The following GATAD2A variants were observed in gnomAD, a reference collection of about 807,000 sequenced individuals.
The protein encoded by GATAD2A is GATA zinc finger domain containing 2A.
Under a neutral mutation model 68.5 loss-of-function variants are expected in GATAD2A, and 12 were observed. The ratio of observed to expected loss-of-function variants is 0.18; its 90% confidence interval spans 0.11 to 0.28. GATAD2A has a LOEUF of 0.28. Among genes scored for constraint, GATAD2A ranks in the 10% least tolerant of loss-of-function variants. The pLI is 1.00. For missense variants in GATAD2A, 755 were observed against 868.5 expected, an observed-to-expected ratio of 0.87 and a Z score of 1.64; for synonymous variants, 410 against 375.3, an observed-to-expected ratio of 1.09 and a Z score of -1.07.
At chr19:19,387,340 G>A (rs1302402840) in intron 1 of GATAD2A, among the ~76,000 whole-genome samples, 1 of 140,780 alleles carries the variant, frequency 7.1e-6, no homozygotes, top group Non-Finnish European at 1.5e-5. Context: ...TTTTTTTTGA[G>A]ACAGAGTCTC....
At chr19:19,486,321 T>C (rs1005462504) in intron 2 of GATAD2A, among the ~76,000 whole-genome samples, 16 of 152,240 alleles carry the variant, frequency 1.1e-4, no homozygotes, top group Non-Finnish European at 2.2e-4. Context: ...ATCTTCCCAG[T>C]GTTGGGGACC....
intron 1 of GATAD2A, among the ~76,000 whole-genome samples, chr19:19,395,385 G>A (rs1156466952): frequency 6.6e-6 from 1 of 152,096 alleles, no homozygotes; most frequent in Non-Finnish European, 1.5e-5. Context: ...AACCCAGGAG[G>A]CGGGGTTTGC....
chr19:19,440,726 A>G (rs1225851908), intron 1 of GATAD2A, among the ~76,000 whole-genome samples: 4 of 152,168 alleles, frequency 2.6e-5, no homozygotes, highest in Admixed American at 6.6e-5. Context: ...AGGGGAAGCA[A>G]TCCCTTAAAA....
At chr19:19,414,582 G>T (rs2051352502) in intron 1 of GATAD2A, among the ~76,000 whole-genome samples, 1 of 121,626 alleles carries the variant, frequency 8.2e-6, no homozygotes, top group Non-Finnish European at 1.6e-5. Flanking sequence ...CCATTGTCCA[G>T]TCTGGAGGGC....
At chr19:19,461,138 A>G (rs1339797741) in intron 1 of GATAD2A, among the ~76,000 whole-genome samples, 1 of 152,164 alleles carries the variant, frequency 6.6e-6, no homozygotes, top group African/African-American at 2.4e-5. Context: ...AAAGACGCCT[A>G]AAATCCACCG....
At chr19:19,415,548 C>T (rs1568714034) in intron 1 of GATAD2A, among the ~76,000 whole-genome samples, 1 of 151,538 alleles carries the variant, frequency 6.6e-6, no homozygotes. Flanking sequence ...TTCCCAGATT[C>T]AAGCGATTCT....
Position 19,405,848 on chromosome 19 carries a change from G to A in GATAD2A, c.-178G>A, listed in dbSNP as rs2050160944. The A allele has an allele frequency of 6.8e-6, 1 of 147,130 alleles. No homozygotes were observed. Among genetic ancestry groups the A allele is most frequent in the Admixed American group, 6.7e-5 (1 of 14,836 alleles). The allele number at this position is 147,130 out of a possible 1,614,324, so 9.1% of individuals were successfully genotyped here. On this transcript the variant is annotated 5_prime_UTR_variant, in exon 1 of 12. Coordinates refer to ENST00000683918, the MANE Select transcript of GATAD2A (RefSeq NM_001384528.1). ...CATTATCTGGCCGGCGGCGCGGGCG[G>A]GCGGGCGGACCGGCGCAGCGAGCGC...
chr19:19,502,572 G>T (rs892022), intron 11 of GATAD2A, 46 bp downstream of exon 11: 4 of 1,449,648 alleles, frequency 2.8e-6, no homozygotes, highest in Non-Finnish European at 3.8e-6. Flanking sequence ...CCCATTGTGG[G>T]GTTCACCCTT....
chr19:19,447,435 C>G (rs572650582), intron 1 of GATAD2A, among the ~76,000 whole-genome samples: 2 of 152,204 alleles, frequency 1.3e-5, no homozygotes, highest in African/African-American at 2.4e-5. Context: ...ACAGACCCCC[C>G]ACTCCCCCAC....
intron 1 of GATAD2A, among the ~76,000 whole-genome samples, chr19:19,447,540 C>T (rs758536540): frequency 2.4e-4 from 36 of 152,312 alleles, no homozygotes; most frequent in Admixed American, 7.2e-4. Flanking sequence ...GTTCCATTTG[C>T]AAGGTAGAGG....
chr19:19,439,091 CGGA>C (rs2054689198), intron 1 of GATAD2A, among the ~76,000 whole-genome samples: 1 of 152,172 alleles, frequency 6.6e-6, no homozygotes, highest in South Asian at 2.1e-4. Context: ...GGAGCAGGGC[CGGA>C]GGAGGGCTGG....
At chr19:19,397,742 G>GTTT (rs1011569216) in intron 1 of GATAD2A, among the ~76,000 whole-genome samples, 1 of 149,648 alleles carries the variant, frequency 6.7e-6, no homozygotes, top group Non-Finnish European at 1.5e-5. Flanking sequence ...ACAGTTTTTT[G>GTTT]TTTTTTTTGA....
chr19:19,501,830 A>G, intron 9 of GATAD2A, 139 bp from the exon 10 acceptor site: 2 of 666,106 alleles, frequency 3.0e-6, no homozygotes, highest in Middle Eastern at 2.5e-4. Context: ...TTTGCAATTC[A>G]CTAAACGCAT....
chr19:19,492,195 G>C (rs1412450993), intron 2 of GATAD2A, 111 bp from the exon 3 acceptor site: 1 of 1,125,048 alleles, frequency 8.9e-7, no homozygotes, highest in African/African-American at 1.5e-5. Flanking sequence ...AGGATGCAGG[G>C]CAGACAGGGA....
At chr19:19,486,533 T>C (rs1440819579) in intron 2 of GATAD2A, among the ~76,000 whole-genome samples, 2 of 152,158 alleles carry the variant, frequency 1.3e-5, no homozygotes, top group Non-Finnish European at 2.9e-5. Context: ...AGCAGGATGC[T>C]CCCGCCCCAC....
At chr19:19,496,305 G>A (rs2060144536) in intron 7 of GATAD2A, 86 bp downstream of exon 7, 14 of 1,238,610 alleles carry the variant, frequency 1.1e-5, no homozygotes, top group Non-Finnish European at 1.5e-5. Flanking sequence ...GGGCACAGTA[G>A]TGTTTCCCTG....
chr19:19,387,998 G>C (rs1273515818), intron 1 of GATAD2A, among the ~76,000 whole-genome samples: 2 of 151,376 alleles, frequency 1.3e-5, no homozygotes, highest in East Asian at 1.9e-4. Flanking sequence ...CTTTCCTCTT[G>C]ATTTTCTAAG....
intron 2 of GATAD2A, among the ~76,000 whole-genome samples, chr19:19,489,562 C>T (rs577720375): frequency 1.3e-5 from 2 of 152,332 alleles, no homozygotes; most frequent in Non-Finnish European, 2.9e-5. Context: ...ATTGATTAGT[C>T]GCAGGCCAAG....
intron 8 of GATAD2A, among the ~76,000 whole-genome samples, chr19:19,499,083 C>T (rs2060345030): frequency 6.6e-6 from 1 of 152,238 alleles, no homozygotes; most frequent in South Asian, 2.1e-4. Flanking sequence ...CAGGCAGAAC[C>T]TTCCAGAGCC....
Sources: gnomAD v4.1 joint callset for allele counts (sites outside exome capture counted in the v4.1 genomes callset) on GRCh38, gnomAD v4.1.1 for gene constraint, MANE v1.5 for transcripts, NCBI Gene and HGNC (gene_info 2026-07-23, HGNC 2026-07-21) for gene names.